The following FAM120B variants were observed in gnomAD, a reference collection of about 807,000 sequenced individuals.
FAM120B encodes family with sequence similarity 120 member B.
Under a neutral mutation model 96.3 loss-of-function variants are expected in FAM120B, and 83 were observed. The observed-to-expected ratio is 0.86, with a 90% confidence interval of 0.72 to 1.03. The LOEUF is 1.03. Ranked by LOEUF, FAM120B falls within the 50% of genes least tolerant of loss-of-function variation. The probability of loss-of-function intolerance (pLI) is 0.00; values close to 1 mark genes in which losing one functional copy is unlikely to be tolerated. For missense variants in FAM120B, 1,027 were observed against 1,121.2 expected, an observed-to-expected ratio of 0.92 and a Z score of 1.20; for synonymous variants, 407 against 402.7, an observed-to-expected ratio of 1.01 and a Z score of -0.13.
At chr6:170,358,362 G>C (rs761298586) in intron 6 of FAM120B, 44 bp downstream of exon 6, 2 of 1,322,702 alleles carry the variant, frequency 1.5e-6, no homozygotes, top group Non-Finnish European at 2.2e-6. Context: ...GAAGACAGCT[G>C]TGCAGTCCAG....
At chr6:170,297,765 T>C (rs1784049995) in intron 1 of FAM120B, 1 of 152,014 alleles carries the variant, frequency 6.6e-6, no homozygotes, top group Non-Finnish European at 1.5e-5. Flanking sequence ...AAGTGCGGAG[T>C]GTGGCTCCCC....
At chr6:170,371,952 C>T (rs368666442) in intron 6 of FAM120B, among the ~76,000 whole-genome samples, 10 of 152,232 alleles carry the variant, frequency 6.6e-5, no homozygotes, top group East Asian at 3.9e-4. Context: ...CTTTTCTTGC[C>T]GTTTTCCCTG....
intron 5 of FAM120B, among the ~76,000 whole-genome samples, chr6:170,357,330 A>G (rs966931185): frequency 1.3e-5 from 2 of 152,054 alleles, no homozygotes; most frequent in African/African-American, 2.4e-5. Flanking sequence ...GGGCAGGGGA[A>G]GGGGTGGCAC....
intron 5 of FAM120B, among the ~76,000 whole-genome samples, chr6:170,356,010 G>A (rs911894107): frequency 1.2e-4 from 19 of 152,142 alleles, no homozygotes; most frequent in African/African-American, 4.6e-4. Context: ...CCATATGAAC[G>A]ATGCTTGCTG....
upstream of FAM120B, chr6:170,290,866 C>T: frequency 1.5e-6 from 1 of 665,388 alleles, no homozygotes; most frequent in Non-Finnish European, 2.7e-6. This position sits in a 1 kb window ranked among gnomAD's most constrained non-coding sequence, Gnocchi z 4.7. Flanking sequence ...CCGCGGCTGC[C>T]CGGGTTCCCC....
intron 6 of FAM120B, among the ~76,000 whole-genome samples, chr6:170,362,201 G>A (rs1441899822): frequency 6.6e-6 from 1 of 152,206 alleles, no homozygotes; most frequent in East Asian, 1.9e-4. Context: ...GAAGGGGGGA[G>A]GTAGAGACAG....
intron 5 of FAM120B, among the ~76,000 whole-genome samples, chr6:170,351,699 A>G (rs1191621230): frequency 1.3e-5 from 2 of 152,352 alleles, no homozygotes; most frequent in East Asian, 3.9e-4. Context: ...TAACTTCATA[A>G]GCAAAGGAGA....
chr6:170,399,122 T>G (rs1255952736), intron 9 of FAM120B, among the ~76,000 whole-genome samples: 1 of 146,362 alleles, frequency 6.8e-6, no homozygotes, highest in Non-Finnish European at 1.5e-5. Flanking sequence ...TCATAACTCT[T>G]AGGAGTGAGT....
intron 7 of FAM120B, 72 bp downstream of exon 7, chr6:170,388,565 C>A: frequency 1.5e-6 from 2 of 1,305,550 alleles, no homozygotes; most frequent in South Asian, 2.4e-5. Flanking sequence ...AACATGAAGT[C>A]GGCTGTTGCA....
At chr6:170,355,082 A>G (rs1787817329) in intron 5 of FAM120B, among the ~76,000 whole-genome samples, 1 of 152,196 alleles carries the variant, frequency 6.6e-6, no homozygotes, top group East Asian at 1.9e-4. Context: ...AATGGTGGCG[A>G]GGTTGCAGAG....
chr6:170,388,645 C>T (rs1324415044), intron 7 of FAM120B, 152 bp downstream of exon 7: 1 of 672,356 alleles, frequency 1.5e-6, no homozygotes, highest in African/African-American at 1.8e-5. Context: ...AAGCATTAGG[C>T]TTCTGCATCA....
intron 9 of FAM120B, chr6:170,404,044 T>C (rs536791355): frequency 6.5e-6 from 1 of 153,492 alleles, no homozygotes; most frequent in African/African-American, 2.4e-5. Context: ...GGAAGAAAAG[T>C]GTTATTTTTA....
intron 4 of FAM120B, among the ~76,000 whole-genome samples, chr6:170,332,914 T>G (rs1190377951): frequency 1.3e-5 from 2 of 152,296 alleles, no homozygotes; most frequent in East Asian, 3.9e-4. Context: ...TTCTTTCTTT[T>G]TTTTTAAAGT....
At chr6:170,341,171 G>A (rs1301243489) in intron 4 of FAM120B, among the ~76,000 whole-genome samples, 1 of 152,222 alleles carries the variant, frequency 6.6e-6, no homozygotes, top group African/African-American at 2.4e-5. Context: ...GCCCCTGACT[G>A]GGGCTGCTGC....
At chr6:170,303,215 T>C (rs1225019774), upstream of FAM120B, among the ~76,000 whole-genome samples, 1 of 152,206 alleles carries the variant, frequency 6.6e-6, no homozygotes, top group Non-Finnish European at 1.5e-5. Context: ...TTCTTTTGTA[T>C]ATGAGAGAAT....
intron 4 of FAM120B, among the ~76,000 whole-genome samples, chr6:170,337,663 G>T (rs1786530315): frequency 6.6e-6 from 1 of 152,070 alleles, no homozygotes; most frequent in East Asian, 1.9e-4. Context: ...CTGGTCCTGG[G>T]CTTTTTTTTG....
chr6:170,311,847 C>G (rs1350129488), intron 1 of FAM120B, among the ~76,000 whole-genome samples: 1 of 152,180 alleles, frequency 6.6e-6, no homozygotes, highest in Non-Finnish European at 1.5e-5. Flanking sequence ...TGGGTCTGTT[C>G]TTGATGCAAT....
chr6:170,340,099 C>T (rs1786719310), intron 4 of FAM120B, among the ~76,000 whole-genome samples: 2 of 152,166 alleles, frequency 1.3e-5, no homozygotes, highest in Admixed American at 6.5e-5. Context: ...AACCTGGTTC[C>T]ATTCTCCCCA....
intron 7 of FAM120B, 35 bp from the exon 8 acceptor site, chr6:170,390,978 C>T (rs1438196626): frequency 6.4e-7 from 1 of 1,569,736 alleles, no homozygotes; most frequent in Admixed American, 1.7e-5. Context: ...CACATCTGGC[C>T]CCTCACATCT....
Sources: gnomAD v4.1 joint callset for allele counts (sites outside exome capture counted in the v4.1 genomes callset) on GRCh38, gnomAD v4.1.1 for gene constraint, Gnocchi (gnomAD v3.1) non-coding constraint, MANE v1.5 for transcripts, NCBI Gene and HGNC (gene_info 2026-07-23, HGNC 2026-07-21) for gene names.